Variants in SLC22A4 observed in about 807,000 individuals in gnomAD.
SLC22A4 encodes solute carrier family 22 member 4.
SLC22A4 carries 39 observed loss-of-function variants against 56.6 expected under a neutral mutation model. The observed-to-expected ratio is 0.69, with a 90% CI of 0.53 to 0.90. The LOEUF (loss-of-function observed/expected upper bound fraction) is 0.90. SLC22A4 is among the 40% of genes least tolerant of loss of function. SLC22A4 has a pLI of 0.00. For synonymous variants in SLC22A4, 241 were observed against 281.4 expected (o/e 0.86, Z 1.44); for missense variants, 594 against 696.5 (o/e 0.85, Z 1.66).
At chr5:132,314,675 C>T (rs1037561500) in intron 3 of SLC22A4, among the ~76,000 whole-genome samples, 6 of 152,136 alleles carry the variant, frequency 3.9e-5, no homozygotes, top group South Asian at 2.1e-4. Context: ...CTCAAAAGTC[C>T]GAATCTGGTT....
intron 8 of SLC22A4, 131 bp from the exon 9 acceptor site, chr5:132,340,434 T>C (rs1751178187): frequency 1.1e-6 from 1 of 913,318 alleles, no homozygotes; most frequent in Admixed American, 1.8e-5. Flanking sequence ...TTTGCTTACT[T>C]TTTTTTCTCT....
chr5:132,328,166 G>A (rs2074064639), intron 5 of SLC22A4, among the ~76,000 whole-genome samples: 2 of 152,178 alleles, frequency 1.3e-5, no homozygotes, highest in Admixed American at 6.5e-5. Context: ...ATAGCAGGGT[G>A]GCCCATGGCT....
At chr5:132,337,869 G>A (rs1161248721) in intron 8 of SLC22A4, among the ~76,000 whole-genome samples, 1 of 151,298 alleles carries the variant, frequency 6.6e-6, no homozygotes, top group Non-Finnish European at 1.5e-5. Flanking sequence ...CTGAGTTGCT[G>A]GGACTACAGG....
intron 5 of SLC22A4, among the ~76,000 whole-genome samples, chr5:132,328,657 G>T (rs1299009964): frequency 6.6e-6 from 1 of 151,974 alleles, no homozygotes; most frequent in African/African-American, 2.4e-5. Flanking sequence ...GGTGTTTATC[G>T]GTATTTATCA....
chr5:132,316,278 A>G (rs1333989614), intron 3 of SLC22A4, among the ~76,000 whole-genome samples: 1 of 152,320 alleles, frequency 6.6e-6, no homozygotes, highest in East Asian at 1.9e-4. Context: ...AGCAGACTAG[A>G]AAAGAGAAAG....
At position 132,312,926 on chromosome 5, in the gene SLC22A4, C is replaced by T. The variant is rs143436831; in HGVS notation, c.497+662C>T. Among the ~76,000 whole-genome samples the T allele has an allele frequency of 5.0e-3, 757 of 152,266 alleles. 6 individuals are homozygous for T. Among genetic ancestry groups the T allele is most frequent in the African/African-American group, 0.018 (733 of 41,544 alleles). On this transcript the variant is annotated intron_variant, in intron 2 of 9. Coordinates refer to ENST00000200652, the MANE Select transcript of SLC22A4 (RefSeq NM_003059.3). ...AGAGACATGAGTTTGGAAAATGGGG[C>T]GGGAAAGGCTGTTCTGCTCACACCT...
intron 4 of SLC22A4, among the ~76,000 whole-genome samples, chr5:132,325,341 C>A (rs1750660822): frequency 6.6e-6 from 1 of 152,174 alleles, no homozygotes; most frequent in South Asian, 2.1e-4. Context: ...TTTCTTCAAT[C>A]ACACTAGCTC....
intron 5 of SLC22A4, among the ~76,000 whole-genome samples, chr5:132,330,707 C>A (rs1388969863): frequency 6.6e-6 from 1 of 152,054 alleles, no homozygotes; most frequent in South Asian, 2.1e-4. Flanking sequence ...GCCTGGGCAA[C>A]AAGAGTGAAA....
At chr5:132,315,255 TC>T in intron 3 of SLC22A4, among the ~76,000 whole-genome samples, 1 of 151,884 alleles carries the variant, frequency 6.6e-6, no homozygotes, top group South Asian at 2.1e-4. Flanking sequence ...CAAACAGGCC[TC>T]CCCAAAACGG....
intron 1 of SLC22A4, among the ~76,000 whole-genome samples, chr5:132,301,779 G>GC (rs1281154338): frequency 2.0e-5 from 3 of 152,340 alleles, no homozygotes; most frequent in East Asian, 3.9e-4. Flanking sequence ...GTCTGGGTAG[G>GC]CCCCGACAAA....
chr5:132,296,329 A>G (rs1399977119), intron 1 of SLC22A4, among the ~76,000 whole-genome samples: 1 of 152,252 alleles, frequency 6.6e-6, no homozygotes, highest in African/African-American at 2.4e-5. Flanking sequence ...GGGCTAGTTC[A>G]TAGTGGCCTT....
intron 2 of SLC22A4, 38 bp from the exon 3 acceptor site, chr5:132,313,576 T>G (rs147438792): frequency 8.7e-6 from 14 of 1,607,602 alleles, no homozygotes; most frequent in Non-Finnish European, 1.2e-5. Context: ...CTTGGCAACC[T>G]ACACATCTCA....
chr5:132,322,472 G>C, intron 4 of SLC22A4, 117 bp downstream of exon 4: 2 of 1,006,936 alleles, frequency 2.0e-6, no homozygotes, highest in South Asian at 2.6e-5. Flanking sequence ...AACTCGCGGA[G>C]GCCAGCTTCC....
chr5:132,324,331 A>C (rs1003156419), intron 4 of SLC22A4: 5 of 349,940 alleles, frequency 1.4e-5, no homozygotes, highest in Admixed American at 1.1e-4. Context: ...CATATGTCAC[A>C]GCGAGGAACG....
At chr5:132,295,331 C>A in intron 1 of SLC22A4, 6 of 575,994 alleles carry the variant, frequency 1.0e-5, no homozygotes, top group South Asian at 9.2e-5. Context: ...CCAGGCTACC[C>A]AGACGCACTG....
Position 132,294,474 on chromosome 5 carries a change from C to T in SLC22A4, c.-143C>T. 4 of 1,191,478 alleles carry T rather than the reference C, an allele frequency of 3.4e-6. No homozygotes were observed. The highest frequency in any genetic ancestry group is 2.5e-5 in the East Asian group (1 of 39,808). The allele number at this position is 1,191,478 out of a possible 1,614,324, so 73.8% of individuals were successfully genotyped here. A position where few individuals can be genotyped will look rare whatever the true frequency, so the allele number is the denominator to read the frequency against. On this transcript the variant is annotated 5_prime_UTR_variant, in exon 1 of 10. Transcript: ENST00000200652. The surrounding 1 kb of genome is among the most constrained non-coding windows in gnomAD (Gnocchi z 5.6). ...CAGCCTGTTTCCCAGGAACGGTCCC[C>T]GGCTTCGCGCCCCAATTTCTAACAG...
At chr5:132,319,301 C>CAAAAAAAAA (rs55756450) in intron 3 of SLC22A4, among the ~76,000 whole-genome samples, 6 of 85,444 alleles carry the variant, frequency 7.0e-5, no homozygotes, top group Non-Finnish European at 1.1e-4. Flanking sequence ...AAGTCTGTCT[C>CAAAAAAAAA]AAAAAAAAAA....
intron 6 of SLC22A4, 67 bp from the exon 7 acceptor site, chr5:132,334,651 C>A (rs1487367671): frequency 9.1e-7 from 1 of 1,098,822 alleles, no homozygotes; most frequent in African/African-American, 1.5e-5. Context: ...TAGAGAATTT[C>A]TTGACCATCA....
intron 4 of SLC22A4, among the ~76,000 whole-genome samples, chr5:132,324,190 CAA>C (rs935532859): frequency 6.7e-6 from 1 of 149,430 alleles, no homozygotes; most frequent in African/African-American, 2.5e-5. Context: ...GATGCTGTCT[CAA>C]AAAAAAAGTT....
Sources: gnomAD v4.1 joint callset for allele counts (sites outside exome capture counted in the v4.1 genomes callset) on GRCh38, gnomAD v4.1.1 for gene constraint, Gnocchi (gnomAD v3.1) non-coding constraint, MANE v1.5 for transcripts, NCBI Gene and HGNC (gene_info 2026-07-23, HGNC 2026-07-21) for gene names.